Variants in STAM2 observed in about 807,000 individuals in gnomAD.
STAM2 encodes signal transducing adaptor molecule 2, also known as signal transducing adapter molecule 2.
In STAM2, 51 loss-of-function variants were observed where a neutral mutation model predicts 65.6. The ratio of observed to expected loss-of-function variants is 0.78; its 90% CI spans 0.62 to 0.98. The LOEUF is 0.98. STAM2 is among the 50% of genes least tolerant of loss of function. The probability of loss-of-function intolerance (pLI) is 0.00; values close to 1 mark genes in which losing one functional copy is unlikely to be tolerated. For missense variants in STAM2, 584 were observed against 617.8 expected, an observed-to-expected ratio of 0.95 and a Z score of 0.58; for synonymous variants, 198 against 208.4, an observed-to-expected ratio of 0.95 and a Z score of 0.43.
At chr2:152,145,042 A>C in intron 5 of STAM2, 85 bp from the exon 6 acceptor site, 3 of 1,013,334 alleles carry the variant, frequency 3.0e-6, no homozygotes, top group Non-Finnish European at 4.7e-6. Context: ...GTAAATTTTA[A>C]AAAATACTGA....
At chr2:152,167,073 T>A (rs1337163687) in intron 1 of STAM2, among the ~76,000 whole-genome samples, 1 of 152,160 alleles carries the variant, frequency 6.6e-6, no homozygotes, top group African/African-American at 2.4e-5. Flanking sequence ...CATAATAAAA[T>A]TTTTTAAATC....
chr2:152,120,555 G>C lies in STAM2; in HGVS notation c.*19C>G. The stretch of plus-strand genomic sequence containing the variant: ...ATAATACACTTATGAAGGCTTTCAA[G>C]AAAATGCTTGATTTGTTTCTAAAGG... On this transcript the variant is annotated 3_prime_UTR_variant, in exon 14 of 14. Transcript: ENST00000263904. 6.2e-7 allele frequency: 1 copy of C among 1,609,856 alleles called. No homozygotes were observed.
chr2:152,129,285 T>G (rs1391358982), intron 11 of STAM2, among the ~76,000 whole-genome samples: 6 of 152,154 alleles, frequency 3.9e-5, no homozygotes, highest in African/African-American at 1.2e-4. Flanking sequence ...GAGCTGGGAC[T>G]ACAGGCGCAC....
chr2:152,137,737 T>A (rs1441595039), intron 7 of STAM2, among the ~76,000 whole-genome samples: 1 of 152,140 alleles, frequency 6.6e-6, no homozygotes, highest in Non-Finnish European at 1.5e-5. Flanking sequence ...TTTTTTATTT[T>A]TTTTTTCCCT....
rs1177561182 is a variant in STAM2 at position 152,124,548 on chromosome 2, T to C, written c.1180-613A>G. 5 of 152,414 alleles carry C rather than the reference T, an allele frequency of 3.3e-5. No homozygotes were observed. The East Asian group carries it at 9.6e-4, about 29-fold the overall frequency. The allele number at this position is 152,414 out of a possible 1,614,324, so 9.4% of individuals were successfully genotyped here. ...TGGTTTAGGTCTCTTTGGACATTTA[T>C]ATGTGCCCTACTTATTTTCAGGACA... is the stretch of plus-strand genomic sequence containing the variant. On this transcript the variant is annotated intron_variant, in intron 12 of 13. Transcript: ENST00000263904.
In STAM2 at chr2:152,147,194, C is replaced by CTTCT; in HGVS notation, c.411_414dup (p.Glu139ArgfsTer31). Reference sequence around the variant, plus strand: ...CCTGCTGGAGGAAAAGTAATTCCTTCTTCTTTCATAGATTTAATAGTTGCA... The same window carrying CTTCT: ...CCTGCTGGAGGAAAAGTAATTCCTTCTTCTTTCTTTCATAGATTTAATAGTTGCA... On this transcript the variant is annotated frameshift_variant, in exon 5 of 14. Transcript: ENST00000263904. LOFTEE classifies it high-confidence loss of function. 1 of 1,609,300 alleles carries CTTCT rather than the reference C, an allele frequency of 6.2e-7. No homozygotes were observed. The highest frequency in any genetic ancestry group is 8.5e-7 in the Non-Finnish European group (1 of 1,178,498).
chr2:152,157,462 T>G (rs1353127263), intron 1 of STAM2, among the ~76,000 whole-genome samples: 1 of 152,216 alleles, frequency 6.6e-6, no homozygotes, highest in Non-Finnish European at 1.5e-5. Flanking sequence ...ATTAGTGTCC[T>G]TTTAAGAAGA....
intron 1 of STAM2, among the ~76,000 whole-genome samples, chr2:152,162,438 G>A (rs1689698705): frequency 6.6e-6 from 1 of 152,090 alleles, no homozygotes; most frequent in Non-Finnish European, 1.5e-5. Flanking sequence ...ATAGTAGTCT[G>A]GTACGGTGAT....
rs1205805254 is a variant in STAM2, at chr2:152,117,252, T to TA, written c.*3321_*3322insT. 6.6e-6 allele frequency: 1 copy of TA among 152,166 alleles called. No individual in the cohort carries two copies. The highest frequency in any genetic ancestry group is 1.5e-5 in the Non-Finnish European group (1 of 68,038). The allele number at this position is 152,166 out of a possible 1,614,324, so 9.4% of individuals were successfully genotyped here. On this transcript the variant is annotated 3_prime_UTR_variant, in exon 14 of 14. Coordinates refer to ENST00000263904, the MANE Select transcript of STAM2 (RefSeq NM_005843.6). ...GTGCAGTGGCGTGATCACACCTCAC[T>TA]GCAGCCTCAAGCAATACTCCCACCT... is the stretch of plus-strand genomic sequence containing the variant.
chr2:152,175,109 G>C (rs1689989145), intron 1 of STAM2, among the ~76,000 whole-genome samples: 2 of 152,158 alleles, frequency 1.3e-5, no homozygotes, highest in Admixed American at 1.3e-4. Context: ...GGGATTGAAT[G>C]CATGAGTAAT....
chr2:152,158,367 T>C (rs1369357965), intron 1 of STAM2, among the ~76,000 whole-genome samples: 1 of 151,998 alleles, frequency 6.6e-6, no homozygotes, highest in Admixed American at 6.6e-5. Context: ...TCCCAGCTAC[T>C]CAGGAGGCTG....
intron 1 of STAM2, among the ~76,000 whole-genome samples, chr2:152,168,524 T>A (rs1689838555): frequency 1.3e-5 from 2 of 152,108 alleles, no homozygotes; most frequent in African/African-American, 4.8e-5. Flanking sequence ...TAGAGACACA[T>A]CCACCTAACT....
intron 1 of STAM2, among the ~76,000 whole-genome samples, chr2:152,165,977 C>T (rs184125500): frequency 2.0e-5 from 3 of 152,176 alleles, no homozygotes; most frequent in East Asian, 1.9e-4. Context: ...TCAAGGCGGG[C>T]GGATTACATA....
At chr2:152,123,645 A>G (rs1183517577) in intron 13 of STAM2, 121 bp downstream of exon 13, 15 of 996,202 alleles carry the variant, frequency 1.5e-5, no homozygotes, top group Non-Finnish European at 1.9e-5. Flanking sequence ...ACACCATTCC[A>G]CTTCACAGGA....
chr2:152,162,596 A>G (rs1689703324), intron 1 of STAM2, among the ~76,000 whole-genome samples: 1 of 152,160 alleles, frequency 6.6e-6, no homozygotes, highest in East Asian at 1.9e-4. Context: ...ATAAATAAAT[A>G]AAAATAAAAA....
chr2:152,128,362 G>A (rs567689526), intron 11 of STAM2, among the ~76,000 whole-genome samples: 6 of 151,746 alleles, frequency 4.0e-5, no homozygotes, highest in South Asian at 2.1e-4. Context: ...ACAGTGAGCC[G>A]AGATTGCACC....
chr2:152,128,097 C>G (rs1229812747), intron 11 of STAM2, among the ~76,000 whole-genome samples: 2 of 152,126 alleles, frequency 1.3e-5, no homozygotes, highest in Non-Finnish European at 2.9e-5. Context: ...CTGCATTAAG[C>G]AGGTCAAACT....
intron 6 of STAM2, 150 bp from the exon 7 acceptor site, chr2:152,144,163 C>A: frequency 4.4e-5 from 24 of 543,964 alleles, no homozygotes; most frequent in Admixed American, 6.5e-5. Flanking sequence ...TGGGGCAGGG[C>A]AGGGAACCAT....
intron 1 of STAM2, among the ~76,000 whole-genome samples, chr2:152,172,500 C>T (rs1301499116): frequency 1.3e-5 from 2 of 152,140 alleles, no homozygotes; most frequent in Non-Finnish European, 2.9e-5. Flanking sequence ...TCTTTAAAGG[C>T]CTTTAATCAT....
Sources: allele counts gnomAD v4.1 joint callset (sites outside exome capture counted in the v4.1 genomes callset), GRCh38; gene constraint gnomAD v4.1.1; transcripts MANE v1.5; gene names NCBI Gene and HGNC (gene_info 2026-07-23, HGNC 2026-07-21).